Variants in SLC26A7 observed in about 807,000 individuals in gnomAD.
SLC26A7 encodes anion exchange transporter.
Under a neutral mutation model 82.5 loss-of-function variants are expected in SLC26A7, and 59 were observed. The observed-to-expected ratio is 0.72, with a 90% CI of 0.58 to 0.89. The LOEUF (loss-of-function observed/expected upper bound fraction) is 0.89, where lower values mean the gene tolerates loss of function less well. Among genes scored for constraint, SLC26A7 ranks in the 40% least tolerant of loss-of-function variants. The pLI is 0.00. For missense variants in SLC26A7, 820 were observed against 793.0 expected (o/e 1.03, Z -0.41); for synonymous variants, 271 against 274.3 (o/e 0.99, Z 0.12).
chr8:91,363,114 A>G (rs569743530), intron 12 of SLC26A7, among the ~76,000 whole-genome samples: 220 of 152,184 alleles, frequency 1.4e-3, no homozygotes, highest in Non-Finnish European at 2.5e-3. Flanking sequence ...ATTCAGATTC[A>G]ATACTATCCA....
In SLC26A7 at chr8:91,343,448, C is replaced by A. The variant is rs752743364; in HGVS notation, c.1122C>A (p.Ser374Arg). ...AAMGRTAGLY[S>R]TGAKTQVACL... ...TGGGAAGGACGGCTGGCCTGTACAG[C>A]ACAGGAGCGAAGACACAGGTAACTG... The change falls in exon 9 of 19, where the codon AGC (serine) becomes AGA (arginine). Residue 374 changes from serine to arginine, a missense_variant. Transcript: ENST00000276609. 6.2e-7 allele frequency: 1 copy of A among 1,611,766 alleles called. No homozygotes were observed. Among genetic ancestry groups the A allele is most frequent in the East Asian group, 2.2e-5 (1 of 44,828 alleles).
intron 16 of SLC26A7, 64 bp downstream of exon 16, chr8:91,389,502 C>G: frequency 2.7e-6 from 3 of 1,102,982 alleles, no homozygotes; most frequent in South Asian, 2.5e-5. Flanking sequence ...GGGTTTTCAC[C>G]ACCTTCTCTC....
chr8:91,367,063 A>C (rs1814215347), intron 14 of SLC26A7, among the ~76,000 whole-genome samples: 1 of 151,352 alleles, frequency 6.6e-6, no homozygotes, highest in Non-Finnish European at 1.5e-5. Flanking sequence ...GCTGGAGTGC[A>C]GTGGTGCCAT....
At chr8:91,370,702 A>G (rs2130881186) in intron 15 of SLC26A7, among the ~76,000 whole-genome samples, 1 of 152,160 alleles carries the variant, frequency 6.6e-6, no homozygotes, top group African/African-American at 2.4e-5. Flanking sequence ...ACAAGAAAAT[A>G]TGAATGAGAA....
intron 18 of SLC26A7, chr8:91,394,267 C>A (rs775261627): frequency 1.9e-6 from 3 of 1,613,302 alleles, no homozygotes; most frequent in Non-Finnish European, 2.5e-6. Flanking sequence ...ACAATGCCAC[C>A]GCTCTGAGGA....
chr8:91,366,463 A>G (rs1484633253), intron 13 of SLC26A7, 117 bp from the exon 14 acceptor site: 3 of 1,085,716 alleles, frequency 2.8e-6, no homozygotes, highest in Admixed American at 5.4e-5. Context: ...AATACATTTT[A>G]GTAATAAAAA....
chr8:91,318,326 A>T lies in SLC26A7; in HGVS notation c.588A>T (p.Lys196Asn). ...AATHVVTSQV[K>N]YLLGMKMPYI... ...CCCATGTGGTGACTTCACAAGTCAA[A>T]TATCTCTTGGGAATGAAAATGCCAT... The change falls in exon 5 of 19, where the codon AAA (lysine) becomes AAT (asparagine). Residue 196 changes from lysine to asparagine, a missense_variant. Transcript: ENST00000276609. The T allele has an allele frequency of 6.2e-7, 1 of 1,612,456 alleles. No individual in the cohort carries two copies. The highest frequency in any genetic ancestry group is 8.5e-7 in the Non-Finnish European group (1 of 1,179,166).
chr8:91,314,651 A>T (rs1428032730), intron 4 of SLC26A7, among the ~76,000 whole-genome samples: 1 of 152,170 alleles, frequency 6.6e-6, no homozygotes, highest in Non-Finnish European at 1.5e-5. Context: ...ATCATCCTTC[A>T]TATGCCCAGT....
intron 15 of SLC26A7, among the ~76,000 whole-genome samples, chr8:91,382,492 A>G (rs1474742489): frequency 6.6e-6 from 1 of 152,182 alleles, no homozygotes; most frequent in Non-Finnish European, 1.5e-5. Flanking sequence ...GAGGTTTAAT[A>G]GAGAAGTAAA....
chr8:91,228,940 T>G (rs1436215519), intron 2 of SLC26A7, among the ~76,000 whole-genome samples: 2 of 152,238 alleles, frequency 1.3e-5, no homozygotes, highest in Non-Finnish European at 2.9e-5. Flanking sequence ...AGATTTTCAT[T>G]TTATGTTTCT....
chr8:91,351,309 T>C (rs1423311081), intron 9 of SLC26A7, among the ~76,000 whole-genome samples: 1 of 152,106 alleles, frequency 6.6e-6, no homozygotes. Flanking sequence ...CCCATATAAC[T>C]ACTCCACAAC....
intron 15 of SLC26A7, among the ~76,000 whole-genome samples, chr8:91,388,088 G>C (rs1444574108): frequency 6.6e-6 from 1 of 152,070 alleles, no homozygotes. Flanking sequence ...TAAATTTTCA[G>C]TGTTCATTTT....
Position 91,363,453 on chromosome 8 carries a change from C to T in SLC26A7, c.1422-19C>T. On this transcript the variant is annotated intron_variant, in intron 12 of 18. Coordinates refer to ENST00000276609, the MANE Select transcript of SLC26A7 (RefSeq NM_052832.4). ...ATTAGGAAATGACTTGTTTTATTTT[C>T]TATCTGCTTTAATTTCAGAGCAATG... 7.0e-7 allele frequency: 1 copy of T among 1,423,928 alleles called. No homozygotes were observed. Among genetic ancestry groups the T allele is most frequent in the Non-Finnish European group, 9.7e-7 (1 of 1,034,454 alleles). The allele number at this position is 1,423,928 out of a possible 1,614,324, so 88.2% of individuals were successfully genotyped here.
At chr8:91,322,044 A>AT (rs1306497952) in intron 5 of SLC26A7, among the ~76,000 whole-genome samples, 1 of 152,128 alleles carries the variant, frequency 6.6e-6, no homozygotes, top group Non-Finnish European at 1.5e-5. Context: ...AAAATTATGC[A>AT]TTTTTTAAGT....
chr8:91,251,614 C>T (rs1027153193), intron 2 of SLC26A7, among the ~76,000 whole-genome samples: 1 of 152,018 alleles, frequency 6.6e-6, no homozygotes, highest in African/African-American at 2.4e-5. Flanking sequence ...AGGCAATGCC[C>T]TAAACCCTTA....
intron 2 of SLC26A7, among the ~76,000 whole-genome samples, chr8:91,259,401 A>G (rs1223572702): frequency 6.6e-6 from 1 of 152,122 alleles, no homozygotes; most frequent in African/African-American, 2.4e-5. Flanking sequence ...ACTCAGCTCA[A>G]GGACAACATG....
chr8:91,252,329 A>G (rs1005589208), intron 2 of SLC26A7, among the ~76,000 whole-genome samples: 1 of 152,090 alleles, frequency 6.6e-6, no homozygotes, highest in African/African-American at 2.4e-5. Context: ...AGTGTTTTCT[A>G]TATGTCAAAT....
intron 2 of SLC26A7, among the ~76,000 whole-genome samples, chr8:91,228,752 G>C (rs924937257): frequency 6.6e-6 from 1 of 152,066 alleles, no homozygotes; most frequent in Non-Finnish European, 1.5e-5. Context: ...TTTCTTTCTG[G>C]TGTGACTGAA....
chr8:91,256,993 T>C (rs1810821413), intron 2 of SLC26A7, among the ~76,000 whole-genome samples: 1 of 152,062 alleles, frequency 6.6e-6, no homozygotes, highest in Non-Finnish European at 1.5e-5. Context: ...ATAGCCTGGG[T>C]GGGACCGGGG....
Sources: allele counts gnomAD v4.1 joint callset (sites outside exome capture counted in the v4.1 genomes callset), GRCh38; gene constraint gnomAD v4.1.1; transcripts MANE v1.5; gene names NCBI Gene and HGNC (gene_info 2026-07-23, HGNC 2026-07-21).